Variants in MCTP2 observed in about 807,000 individuals in gnomAD.
MCTP2 encodes the protein multiple C2 and transmembrane domain containing 2.
MCTP2 carries 132 observed loss-of-function variants against 111.6 expected under a neutral mutation model. The observed-to-expected ratio is 1.18, with a 90% confidence interval of 1.03 to 1.37. The LOEUF is 1.37. MCTP2 is among the 40% of genes most tolerant of loss of function. MCTP2 has a pLI of 0.00. For missense variants in MCTP2, 1,183 were observed against 1,067.9 expected (o/e 1.11, Z -1.50); for synonymous variants, 395 against 387.7 (o/e 1.02, Z -0.22).
At chr15:94,361,082 A>C (rs62016128) in intron 10 of MCTP2, among the ~76,000 whole-genome samples, 1 of 58,426 alleles carries the variant, frequency 1.7e-5, no homozygotes. Context: ...TAAATATTTC[A>C]AGTTTTTTTT....
intron 2 of MCTP2, among the ~76,000 whole-genome samples, chr15:94,308,106 G>A (rs939791619): frequency 1.3e-5 from 2 of 152,088 alleles, no homozygotes; most frequent in African/African-American, 2.4e-5. Flanking sequence ...AAGAGTCCTC[G>A]CACAGTGTCT....
At chr15:94,415,045 A>G (rs577266177) in intron 17 of MCTP2, among the ~76,000 whole-genome samples, 2 of 152,022 alleles carry the variant, frequency 1.3e-5, no homozygotes, top group Non-Finnish European at 2.9e-5. Context: ...TTCTATGTGG[A>G]TGATACCTAC....
intron 1 of MCTP2, among the ~76,000 whole-genome samples, chr15:94,244,950 CTGTT>C (rs2071671747): frequency 3.2e-5 from 4 of 125,364 alleles, no homozygotes; most frequent in African/African-American, 1.2e-4. Flanking sequence ...ACATATGCAC[CTGTT>C]TATATACGTA....
chr15:94,399,949 C>T lies in MCTP2; in HGVS notation c.1919C>T (p.Pro640Leu), dbSNP rs1265933738. ...AAAGCAAGTATTAGGACTTTTACTC[C>T]CCGGGAAAAGCGCTTTGTTGAAGAC... is the stretch of plus-strand genomic sequence containing the variant. ...PVKASIRTFT[P>L]REKRFVEDSR... Residue 640 changes from proline (P) to leucine (L), a missense_variant, in exon 16 of 23, where the codon CCC becomes CTC. Physicochemically the swap from Pro to Leu is moderately conservative, Grantham distance 98. Coordinates refer to ENST00000357742, the MANE Select transcript of MCTP2 (RefSeq NM_001385001.1). The T allele has an allele frequency of 5.6e-6, 9 of 1,613,894 alleles. No individual in the cohort carries two copies. The highest frequency in any genetic ancestry group is 7.6e-6 in the Non-Finnish European group (9 of 1,179,878).
intron 1 of MCTP2, among the ~76,000 whole-genome samples, chr15:94,290,927 G>C (rs7497738): frequency 0.39 from 59,119 of 152,020 alleles, 11,718 homozygotes; most frequent in Middle Eastern, 0.43. Flanking sequence ...TAACTGAAAG[G>C]AGAAGTAGAG....
chr15:94,236,839 A>G (rs1369475040), intron 1 of MCTP2, among the ~76,000 whole-genome samples: 1 of 152,172 alleles, frequency 6.6e-6, no homozygotes, highest in Non-Finnish European at 1.5e-5. Context: ...GTTATTGTAG[A>G]TCAGGAGGGA....
intron 1 of MCTP2, among the ~76,000 whole-genome samples, chr15:94,288,953 A>G (rs1453601159): frequency 1.3e-5 from 2 of 152,234 alleles, no homozygotes; most frequent in African/African-American, 4.8e-5. Context: ...AACTGAAGAT[A>G]AATCAATAAA....
rs17712773 is a variant in MCTP2 at position 94,345,070 on chromosome 15, T to C, written c.970-59T>C. 2.8e-3 allele frequency: 4,345 copies of C among 1,574,720 alleles called. 72 individuals carry two copies. In the Admixed American group the frequency reaches 0.05, roughly 18 times the overall value. On this transcript the variant is annotated intron_variant, in intron 7 of 22. Transcript: ENST00000357742. Reference sequence around the variant, plus strand: ...CATAATATAATTACATTGATAATGATTCTATCTTCCTCTGTTTTATTTTGC... The same window carrying C: ...CATAATATAATTACATTGATAATGACTCTATCTTCCTCTGTTTTATTTTGC...
intron 1 of MCTP2, among the ~76,000 whole-genome samples, chr15:94,257,999 G>T (rs12101322): frequency 6.7e-6 from 1 of 149,764 alleles, no homozygotes; most frequent in Non-Finnish European, 1.5e-5. Context: ...ATTCTCTTGT[G>T]TCAGCCTCCT....
At position 94,479,395 on chromosome 15, in the gene MCTP2, C is replaced by A; in HGVS notation, c.*361C>A. ...AAGAGTGACTTTGAACTTGTTTTCA[C>A]ACCTCCAACAGACTCTCATTAAGAT... On this transcript the variant is annotated 3_prime_UTR_variant, in exon 23 of 23. Transcript: ENST00000357742. 1 of 281,674 alleles carries A rather than the reference C, an allele frequency of 3.6e-6. No individual in the cohort carries two copies. The highest frequency in any genetic ancestry group is 6.8e-6 in the Non-Finnish European group (1 of 146,144). The allele number at this position is 281,674 out of a possible 1,614,324, so 17.4% of individuals were successfully genotyped here.
In MCTP2 at chr15:94,422,984, C is replaced by T. The variant is rs113579108; in HGVS notation, c.2086-17192C>T. Among the ~76,000 whole-genome samples the T allele has an allele frequency of 2.6e-3, 403 of 152,270 alleles. 1 individual carries two copies. Among genetic ancestry groups the T allele is most frequent in the African/African-American group, 9.1e-3 (378 of 41,546 alleles). On this transcript the variant is annotated intron_variant, in intron 17 of 22. Transcript: ENST00000357742. ...GTGCTGGGATTACAGGCTTGAGCCA[C>T]GACACCTAGGCTAAGCTGTTAGTCT...
intron 12 of MCTP2, among the ~76,000 whole-genome samples, chr15:94,372,991 A>G (rs1225972355): frequency 6.6e-6 from 1 of 152,244 alleles, no homozygotes; most frequent in African/African-American, 2.4e-5. Context: ...AGGAATCCTG[A>G]TAAAGCAAAA....
At chr15:94,312,484 T>C (rs1436319851) in intron 2 of MCTP2, among the ~76,000 whole-genome samples, 3 of 152,232 alleles carry the variant, frequency 2.0e-5, no homozygotes, top group Non-Finnish European at 4.4e-5. Context: ...AGGGCTGTCT[T>C]CCTGCCTAGG....
intron 1 of MCTP2, among the ~76,000 whole-genome samples, chr15:94,237,823 G>A (rs2070676530): frequency 6.6e-6 from 1 of 152,160 alleles, no homozygotes; most frequent in Non-Finnish European, 1.5e-5. Flanking sequence ...GGCAGCCACT[G>A]TAAGACTTCA....
At chr15:94,414,383 C>T (rs984747100) in intron 17 of MCTP2, among the ~76,000 whole-genome samples, 1 of 152,176 alleles carries the variant, frequency 6.6e-6, no homozygotes, top group Non-Finnish European at 1.5e-5. Context: ...GCAAGTCAGA[C>T]ACTCTGAAAA....
At chr15:94,245,232 G>GTATATATATACACACA (rs1337801190) in intron 1 of MCTP2, among the ~76,000 whole-genome samples, 1 of 136,756 alleles carries the variant, frequency 7.3e-6, no homozygotes, top group African/African-American at 2.7e-5. Flanking sequence ...ATATACATAT[G>GTATATATATACACACA]TATGTATATA....
chr15:94,335,652 T>C (rs2077325882), intron 4 of MCTP2, among the ~76,000 whole-genome samples: 1 of 152,266 alleles, frequency 6.6e-6, no homozygotes, highest in African/African-American at 2.4e-5. Flanking sequence ...ATGCCTATTG[T>C]AGTATTGTTT....
intron 1 of MCTP2, among the ~76,000 whole-genome samples, chr15:94,262,288 G>A (rs538036612): frequency 6.6e-6 from 1 of 152,266 alleles, no homozygotes; most frequent in South Asian, 2.1e-4. Flanking sequence ...CATTTGGAAA[G>A]TGTTTGAAGA....
chr15:94,419,723 G>C (rs982982348), intron 17 of MCTP2, among the ~76,000 whole-genome samples: 2 of 151,206 alleles, frequency 1.3e-5, no homozygotes, highest in African/African-American at 4.9e-5. Context: ...CTTTTATCAG[G>C]CTTCACTTTA....
Sources: gnomAD v4.1 joint callset for allele counts (sites outside exome capture counted in the v4.1 genomes callset) on GRCh38, gnomAD v4.1.1 for gene constraint, MANE v1.5 for transcripts, NCBI Gene and HGNC (gene_info 2026-07-23, HGNC 2026-07-21) for gene names.